UBA6: variants seen among roughly 807,000 people sequenced by gnomAD.
The protein encoded by UBA6 is ubiquitin like modifier activating enzyme 6.
A neutral mutation model predicts 148.3 loss-of-function variants in UBA6; 87 were observed. That is an observed-to-expected ratio of 0.59 (90% confidence interval 0.49 to 0.70). UBA6 has a LOEUF of 0.70. Among genes scored for constraint, UBA6 ranks in the 30% least tolerant of loss-of-function variants. The pLI, the probability that UBA6 is intolerant of heterozygous loss-of-function variation, is 0.00. For missense variants in UBA6, 1,186 were observed against 1,241.2 expected, an observed-to-expected ratio of 0.96 and a Z score of 0.67; for synonymous variants, 376 against 401.0, an observed-to-expected ratio of 0.94 and a Z score of 0.75.
intron 25 of UBA6, among the ~76,000 whole-genome samples, chr4:67,631,177 A>G (rs2109901420): frequency 6.6e-6 from 1 of 152,302 alleles, no homozygotes; most frequent in Non-Finnish European, 1.5e-5. Context: ...GCTGGGCCAC[A>G]TATGTGAGAC....
At chr4:67,646,667 C>T in intron 15 of UBA6, 57 bp downstream of exon 15, 1 of 1,358,480 alleles carries the variant, frequency 7.4e-7, no homozygotes, top group Non-Finnish European at 1.0e-6. Flanking sequence ...TATGTTTAGA[C>T]AAAACTTTTA....
chr4:67,660,189 G>T (rs527500458), intron 13 of UBA6, among the ~76,000 whole-genome samples: 1 of 152,268 alleles, frequency 6.6e-6, no homozygotes, highest in African/African-American at 2.4e-5. Context: ...CAATAGAAAA[G>T]AAAAATCCAT....
intron 2 of UBA6, among the ~76,000 whole-genome samples, chr4:67,695,461 T>A (rs950828742): frequency 1.1e-4 from 17 of 152,172 alleles, no homozygotes; most frequent in Non-Finnish European, 4.4e-5. Flanking sequence ...ACCCTATCAA[T>A]AAAATGGCTA....
intron 6 of UBA6, among the ~76,000 whole-genome samples, chr4:67,676,019 CTTT>C (rs397878783): frequency 8.5e-6 from 1 of 117,152 alleles, no homozygotes; most frequent in African/African-American, 3.3e-5. Context: ...ATAGTACTAC[CTTT>C]TTTTTTTTTT....
At chr4:67,680,748 G>C (rs1465798467) in intron 4 of UBA6, among the ~76,000 whole-genome samples, 1 of 152,116 alleles carries the variant, frequency 6.6e-6, no homozygotes, top group African/African-American at 2.4e-5. Context: ...GGTTACAAAA[G>C]ACTGACTTGT....
At chr4:67,674,052 C>T (rs982183997) in intron 6 of UBA6, among the ~76,000 whole-genome samples, 2 of 152,166 alleles carry the variant, frequency 1.3e-5, no homozygotes, top group African/African-American at 2.4e-5. Context: ...ATATCCTATG[C>T]AGTATTTATG....
chr4:67,672,853 C>T (rs1730183502), intron 7 of UBA6, among the ~76,000 whole-genome samples: 1 of 152,176 alleles, frequency 6.6e-6, no homozygotes, highest in Admixed American at 6.5e-5. Flanking sequence ...GTGAAGACTT[C>T]TCTAACCTTC....
intron 4 of UBA6, among the ~76,000 whole-genome samples, chr4:67,680,972 T>A (rs1045323399): frequency 4.3e-4 from 65 of 152,128 alleles, no homozygotes; most frequent in African/African-American, 1.5e-3. Flanking sequence ...AAGCAGATCC[T>A]TCCCCAGTCT....
rs1728562410 is a variant in UBA6, at chr4:67,612,724, C to G, written c.*6273G>C. The G allele has an allele frequency of 6.6e-6, 1 of 152,192 alleles. No individual in the cohort carries two copies. The highest frequency in any genetic ancestry group is 2.1e-4 in the South Asian group (1 of 4,834). The allele number at this position is 152,192 out of a possible 1,614,324, so 9.4% of individuals were successfully genotyped here. On this transcript the variant is annotated 3_prime_UTR_variant, in exon 33 of 33. Coordinates refer to ENST00000322244, the MANE Select transcript of UBA6 (RefSeq NM_018227.6). Reference sequence around the variant, plus strand: ...ACAAATAAACCAACTGTATTTTACACATAATCAACAGGAAATAATGTGGGC... The same window carrying G: ...ACAAATAAACCAACTGTATTTTACAGATAATCAACAGGAAATAATGTGGGC...
chr4:67,671,814 AT>A (rs889182281), intron 7 of UBA6, among the ~76,000 whole-genome samples: 2 of 152,192 alleles, frequency 1.3e-5, no homozygotes, highest in Non-Finnish European at 2.9e-5. Flanking sequence ...TTAGTAATGA[AT>A]TCAATTACAA....
At chr4:67,700,975 G>T (rs949763784) in intron 1 of UBA6, 74 bp downstream of exon 1, 1 of 1,586,762 alleles carries the variant, frequency 6.3e-7, no homozygotes, top group African/African-American at 1.3e-5. Flanking sequence ...CAGCCCGCCG[G>T]AAAGAAAGAA....
chr4:67,625,057 T>G lies in UBA6; in HGVS notation c.2649A>C (p.Thr883=). ...YSIEPADRFK[T]KRIAGKIIPA... The stretch of plus-strand genomic sequence containing the variant: ...GTATAATTTTACCAGCTATGCGCTT[T>G]GTTTTGAAACGGTCAGCTGGTTCAA... The change falls in exon 29 of 33, where the codon ACA becomes ACC. Residue 883 remains threonine (T), a synonymous_variant. Coordinates refer to ENST00000322244, the MANE Select transcript of UBA6 (RefSeq NM_018227.6). 1.2e-6 allele frequency: 2 copies of G among 1,613,334 alleles called. No homozygotes were observed. Among genetic ancestry groups the G allele is most frequent in the Non-Finnish European group, 1.7e-6 (2 of 1,179,398 alleles).
intron 8 of UBA6, among the ~76,000 whole-genome samples, chr4:67,668,908 T>C (rs955749083): frequency 1.3e-5 from 2 of 152,180 alleles, no homozygotes; most frequent in Non-Finnish European, 2.9e-5. Flanking sequence ...TGGTAGGAGA[T>C]GTTCAAAAAT....
chr4:67,661,256 G>C (rs567813829), intron 13 of UBA6, among the ~76,000 whole-genome samples: 1 of 152,266 alleles, frequency 6.6e-6, no homozygotes, highest in East Asian at 1.9e-4. Flanking sequence ...GGGGGTACCA[G>C]GGATGAAATG....
chr4:67,663,170 G>C lies in UBA6; in HGVS notation c.1006C>G (p.Gln336Glu). The change falls in exon 12 of 33, where the codon CAG becomes GAG. Residue 336 changes from glutamine to glutamate, a missense_variant. Coordinates refer to ENST00000322244, the MANE Select transcript of UBA6 (RefSeq NM_018227.6). ...HTAMLALDQF[Q>E]EKYSRKPNVG... ...TTTGGCTTGCGACTGTATTTCTCCT[G>C]AAACTGGTCCAAGGCAAGCATAGCT... The C allele has an allele frequency of 6.2e-7, 1 of 1,611,294 alleles. No individual in the cohort carries two copies. Among genetic ancestry groups the C allele is most frequent in the Non-Finnish European group, 8.5e-7 (1 of 1,179,014 alleles).
rs375484916 is a variant in UBA6, at chr4:67,670,035, G to A, written c.669+435C>T. Among the ~76,000 whole-genome samples, 57 of 152,192 alleles carry A rather than the reference G, an allele frequency of 3.7e-4. No individual in the cohort carries two copies. The South Asian group carries it at 9.1e-3, about 24-fold the overall frequency. ...GTGATCTTGGCTTACTGCAACTTCC[G>A]CCTCCCGGGTTCAAGTCATCCTTCC... On this transcript the variant is annotated intron_variant, in intron 8 of 32. Coordinates refer to ENST00000322244, the MANE Select transcript of UBA6 (RefSeq NM_018227.6).
Position 67,618,060 on chromosome 4 carries a change from A to AAT in UBA6, c.*936_*937insAT, listed in dbSNP as rs1728669053. ...AAAAAAAAAACAAAAAAAACACAAA[A>AAT]TTTAATACCCTAATTAGGTTTCTGG... On this transcript the variant is annotated 3_prime_UTR_variant, in exon 33 of 33. Coordinates refer to ENST00000322244, the MANE Select transcript of UBA6 (RefSeq NM_018227.6). The AAT allele has an allele frequency of 6.6e-6, 1 of 150,470 alleles. No individual in the cohort carries two copies. The highest frequency in any genetic ancestry group is 1.5e-5 in the Non-Finnish European group (1 of 67,518). The allele number at this position is 150,470 out of a possible 1,614,324, so 9.3% of individuals were successfully genotyped here. A position where few individuals can be genotyped will look rare whatever the true frequency, so the allele number is the denominator to read the frequency against.
intron 17 of UBA6, among the ~76,000 whole-genome samples, chr4:67,641,902 C>G (rs1729316651): frequency 6.6e-6 from 1 of 152,102 alleles, no homozygotes; most frequent in Admixed American, 6.6e-5. Flanking sequence ...AACTCAAGAT[C>G]ATCTGAAGAG....
At chr4:67,687,080 G>A (rs1454174431) in intron 2 of UBA6, among the ~76,000 whole-genome samples, 1 of 128,924 alleles carries the variant, frequency 7.8e-6, no homozygotes, top group Admixed American at 8.7e-5. Flanking sequence ...TTGTCGCCCA[G>A]GCTGGACTGC....
Sources: allele counts gnomAD v4.1 joint callset (sites outside exome capture counted in the v4.1 genomes callset), GRCh38; gene constraint gnomAD v4.1.1; transcripts MANE v1.5; gene names NCBI Gene and HGNC (gene_info 2026-07-23, HGNC 2026-07-21).